Variants in CLIP1 observed in about 807,000 individuals in gnomAD.
CLIP1 encodes CAP-Gly domain-containing linker protein 1.
CLIP1 carries 66 observed loss-of-function variants against 161.6 expected under a neutral mutation model. The observed-to-expected ratio is 0.41, with a 90% confidence interval of 0.33 to 0.50. The LOEUF (loss-of-function observed/expected upper bound fraction) is 0.50, where lower values mean the gene tolerates loss of function less well. Ranked by LOEUF, CLIP1 falls within the 20% of genes least tolerant of loss-of-function variation. The pLI, the probability that CLIP1 is intolerant of heterozygous loss-of-function variation, is 0.27. For synonymous variants in CLIP1, 598 were observed against 626.2 expected (o/e 0.96, Z 0.67); for missense variants, 1,376 against 1,702.0 (o/e 0.81, Z 3.37).
At chr12:122,320,265 C>CA (rs111643965) in intron 17 of CLIP1, among the ~76,000 whole-genome samples, 25,600 of 94,334 alleles carry the variant, frequency 0.27, 3,578 homozygotes, top group East Asian at 0.53. Context: ...GACTCCGTCT[C>CA]AAAAAAAAAA....
At chr12:122,363,239 C>A (rs1953958070) in intron 4 of CLIP1, among the ~76,000 whole-genome samples, 1 of 152,164 alleles carries the variant, frequency 6.6e-6, no homozygotes, top group African/African-American at 2.4e-5. Flanking sequence ...GTGGCTCACA[C>A]CTGTAATACC....
intron 5 of CLIP1, among the ~76,000 whole-genome samples, chr12:122,357,035 A>T (rs1243603452): frequency 1.3e-5 from 2 of 152,202 alleles, no homozygotes; most frequent in South Asian, 2.1e-4. Flanking sequence ...AAGTGCCGAG[A>T]CTGCAGCCTC....
chr12:122,311,800 T>C lies in CLIP1; in HGVS notation c.3474-1918A>G, dbSNP rs1951072515. On this transcript the variant is annotated intron_variant, in intron 19 of 25. Transcript: ENST00000620786. The surrounding 1 kb of genome is among the most constrained non-coding windows in gnomAD (Gnocchi z 4.3). ...AATCCTCAAAGCCCAAGGAGGCTCA[T>C]GTCATTTATGTTTTAATGAGAAGAC... is the stretch of plus-strand genomic sequence containing the variant. Among the ~76,000 whole-genome samples the C allele has an allele frequency of 6.6e-6, 1 of 152,168 alleles. No individual in the cohort carries two copies. Among genetic ancestry groups the C allele is most frequent in the African/African-American group, 2.4e-5 (1 of 41,426 alleles).
intron 9 of CLIP1, among the ~76,000 whole-genome samples, chr12:122,350,158 A>G (rs745617853): frequency 6.6e-6 from 1 of 151,868 alleles, no homozygotes; most frequent in Non-Finnish European, 1.5e-5. Flanking sequence ...GCCCGCCTCA[A>G]CCTCCCAAAG....
chr12:122,327,418 A>C (rs1951751509), intron 17 of CLIP1, among the ~76,000 whole-genome samples: 1 of 152,142 alleles, frequency 6.6e-6, no homozygotes, highest in Non-Finnish European at 1.5e-5. Context: ...CCTTGTCAAT[A>C]AGCTCACAGT....
chr12:122,347,188 CAA>C (rs1384212759), intron 10 of CLIP1, among the ~76,000 whole-genome samples, 185 bp downstream of exon 10: 2 of 152,122 alleles, frequency 1.3e-5, no homozygotes, highest in African/African-American at 4.8e-5. Context: ...TTACTTTTGA[CAA>C]AAGACGAGAT....
chr12:122,340,763 T>C lies in CLIP1; in HGVS notation c.2441A>G (p.Glu814Gly), dbSNP rs776825338. The C allele has an allele frequency of 1.9e-6, 3 of 1,577,180 alleles. No homozygotes were observed. The East Asian group carries it at 6.7e-5, about 35-fold the overall frequency. The change falls in exon 11 of 26, where the codon GAA (glutamate) becomes GGA (glycine). Residue 814 changes from glutamate (E) to glycine (G), a missense_variant. Around this residue, in one of 6 missense-constraint regions of CLIP1, gnomAD observed 948 missense variants for 1,134.8 expected, o/e 0.84. Transcript: ENST00000620786. ...IKHLEIEKNAESSKASSITRE... is the reference protein window; with the variant it reads ...IKHLEIEKNAGSSKASSITRE... The stretch of plus-strand genomic sequence containing the variant: ...GATGTCAATACAAACCTTGCTACTT[T>C]CAGCATTCTTTTCAATCTCTAAATG...
intron 1 of CLIP1, among the ~76,000 whole-genome samples, 175 bp downstream of exon 1, chr12:122,422,346 C>T (rs1261511444): frequency 6.6e-6 from 1 of 151,806 alleles, no homozygotes; most frequent in African/African-American, 2.4e-5. Flanking sequence ...CGCCGGCCAC[C>T]CGAGACTCCC....
chr12:122,295,187 C>T lies in CLIP1; in HGVS notation c.3595-6646G>A, dbSNP rs116854050. ...GGAGTCCAAGACCAGCCGGCCAACA[C>T]GATAAAACCCCATCTCTACTAAAAA... On this transcript the variant is annotated intron_variant, in intron 20 of 25. Coordinates refer to ENST00000620786, the MANE Select transcript of CLIP1 (RefSeq NM_001247997.2). Among the ~76,000 whole-genome samples the T allele has an allele frequency of 6.1e-4, 93 of 152,146 alleles. No individual in the cohort carries two copies. In the East Asian group the frequency reaches 0.016, roughly 27 times the overall value.
rs199532478 is a variant in CLIP1 at position 122,279,004 on chromosome 12, C to T, written c.3765+24G>A. 675 of 1,607,796 alleles carry T rather than the reference C, an allele frequency of 4.2e-4. 1 individual carries two copies. The highest frequency in any genetic ancestry group is 5.3e-4 in the Non-Finnish European group (630 of 1,178,002). On this transcript the variant is annotated intron_variant, in intron 22 of 25. Coordinates refer to ENST00000620786, the MANE Select transcript of CLIP1 (RefSeq NM_001247997.2). This position sits in a 1 kb window ranked among gnomAD's most constrained non-coding sequence, Gnocchi z 4.5. Reference sequence around the variant, plus strand: ...AACGAAAGGAGGCCGCGTGAAAGCTCGTGCACCCTGGGTGGTACTCTACCT... The same window carrying T: ...AACGAAAGGAGGCCGCGTGAAAGCTTGTGCACCCTGGGTGGTACTCTACCT...
chr12:122,361,609 G>A (rs993867638), intron 4 of CLIP1, among the ~76,000 whole-genome samples: 1 of 152,226 alleles, frequency 6.6e-6, no homozygotes, highest in African/African-American at 2.4e-5. Flanking sequence ...GCTCACGCCT[G>A]TAATCCCAGC....
At chr12:122,397,918 G>A (rs928226174) in intron 1 of CLIP1, among the ~76,000 whole-genome samples, 4 of 151,298 alleles carry the variant, frequency 2.6e-5, no homozygotes, top group African/African-American at 9.7e-5. Context: ...TTGTGCCACT[G>A]CACTCCAGCC....
intron 20 of CLIP1, among the ~76,000 whole-genome samples, chr12:122,295,789 T>C (rs1216131628): frequency 6.6e-6 from 1 of 152,266 alleles, no homozygotes; most frequent in East Asian, 1.9e-4. Flanking sequence ...TTCGGGACTC[T>C]GTTATTAGGT....
intron 15 of CLIP1, among the ~76,000 whole-genome samples, chr12:122,331,247 A>C (rs977062368): frequency 2.0e-5 from 3 of 151,574 alleles, no homozygotes; most frequent in Admixed American, 2.0e-4. Flanking sequence ...TCCCAACCTC[A>C]GGTGATCCGC....
At chr12:122,344,348 T>C (rs1355464425) in intron 10 of CLIP1, among the ~76,000 whole-genome samples, 1 of 152,156 alleles carries the variant, frequency 6.6e-6, no homozygotes, top group African/African-American at 2.4e-5. Context: ...CATGATTTTC[T>C]GGGGAAGGAA....
At chr12:122,276,607 A>C (rs1955439601) in intron 24 of CLIP1, 1 of 589,298 alleles carries the variant, frequency 1.7e-6, no homozygotes, top group Non-Finnish European at 2.4e-6. Flanking sequence ...TGTGCCCCTC[A>C]AAGGAGGTGT....
chr12:122,339,401 G>A (rs1421928457), intron 11 of CLIP1, among the ~76,000 whole-genome samples: 1 of 151,948 alleles, frequency 6.6e-6, no homozygotes, highest in Non-Finnish European at 1.5e-5. Flanking sequence ...ACAGTGGCAC[G>A]ATCTCAGCTC....
intron 19 of CLIP1, among the ~76,000 whole-genome samples, chr12:122,312,688 C>T (rs61954396): frequency 0.02 from 2,986 of 152,180 alleles, 50 homozygotes; most frequent in Middle Eastern, 0.051. Flanking sequence ...GAATTAAACC[C>T]GGGAGGTGGT....
intron 17 of CLIP1, among the ~76,000 whole-genome samples, chr12:122,326,223 C>G (rs1279344997): frequency 2.6e-5 from 4 of 152,222 alleles, no homozygotes. Flanking sequence ...ATGACTCTTG[C>G]ACAAAACCAA....
Sources: allele counts gnomAD v4.1 joint callset (sites outside exome capture counted in the v4.1 genomes callset), GRCh38; gene constraint gnomAD v4.1.1; regional missense constraint gnomAD v4.1.1; non-coding constraint Gnocchi (gnomAD v3.1); transcripts MANE v1.5; gene names NCBI Gene and HGNC (gene_info 2026-07-23, HGNC 2026-07-21).